UBE3C: variants seen among roughly 807,000 people sequenced by gnomAD.
UBE3C encodes ubiquitin-protein ligase E3C.
UBE3C carries 42 observed loss-of-function variants against 129.4 expected under a neutral mutation model. The observed-to-expected ratio is 0.32, with a 90% CI of 0.25 to 0.42. The LOEUF (loss-of-function observed/expected upper bound fraction) is 0.42, where lower values mean the gene tolerates loss of function less well. UBE3C is among the 10% of genes least tolerant of loss of function. The pLI is 1.00. For synonymous variants in UBE3C, 510 were observed against 492.4 expected, an observed-to-expected ratio of 1.04 and a Z score of -0.47; for missense variants, 1,049 against 1,319.1, an observed-to-expected ratio of 0.80 and a Z score of 3.17.
intron 11 of UBE3C, among the ~76,000 whole-genome samples, chr7:157,203,558 C>T (rs1222195674): frequency 3.3e-5 from 5 of 152,170 alleles, no homozygotes; most frequent in African/African-American, 1.2e-4. Flanking sequence ...GAAACACTGT[C>T]ATAGTTCTGC....
intron 10 of UBE3C, chr7:157,192,961 T>C: frequency 1.7e-6 from 1 of 601,148 alleles, no homozygotes; most frequent in South Asian, 2.0e-5. Flanking sequence ...AGGGAAAGTA[T>C]GTTTTTTGAA....
At chr7:157,173,714 A>G (rs1393224296) in intron 4 of UBE3C, among the ~76,000 whole-genome samples, 1 of 152,334 alleles carries the variant, frequency 6.6e-6, no homozygotes, top group East Asian at 1.9e-4. Flanking sequence ...TATAATGTAT[A>G]GTTATTTTAC....
intron 19 of UBE3C, 63 bp downstream of exon 19, chr7:157,248,643 G>C (rs1216631629): frequency 6.5e-7 from 1 of 1,545,112 alleles, no homozygotes; most frequent in Non-Finnish European, 8.9e-7. Context: ...CCTTGTGTGT[G>C]GAAGTCCATT....
In UBE3C at chr7:157,138,981, A is replaced by G. The variant is rs1165351082; in HGVS notation, c.-292A>G. 6.6e-6 allele frequency: 1 copy of G among 152,588 alleles called. No individual in the cohort carries two copies. Among genetic ancestry groups the G allele is most frequent in the Non-Finnish European group, 1.5e-5 (1 of 68,592 alleles). 9.5% of individuals were successfully genotyped at this position (152,588 alleles called of 1,614,324 possible). ...CTCCCGAGGCGGCAGTTCCAGGTGCAAGCGCCGGGTTTGCTGCCCGCTGGG... is the reference window on the plus strand; with the variant it reads ...CTCCCGAGGCGGCAGTTCCAGGTGCGAGCGCCGGGTTTGCTGCCCGCTGGG... On this transcript the variant is annotated 5_prime_UTR_variant, in exon 1 of 23. Coordinates refer to ENST00000348165, the MANE Select transcript of UBE3C (RefSeq NM_014671.3).
chr7:157,264,406 TACACACACAC>T (rs56147121), intron 22 of UBE3C, among the ~76,000 whole-genome samples: 3 of 107,566 alleles, frequency 2.8e-5, no homozygotes, highest in East Asian at 2.9e-4. Flanking sequence ...CTCGGCCTGT[TACACACACAC>T]ACACACACCT....
intron 18 of UBE3C, among the ~76,000 whole-genome samples, chr7:157,236,110 CAATT>C (rs1157409397): frequency 6.6e-6 from 1 of 152,186 alleles, no homozygotes; most frequent in African/African-American, 2.4e-5. Flanking sequence ...GGTCACTTCT[CAATT>C]AAAAGTTCCA....
chr7:157,260,326 C>T lies in UBE3C; in HGVS notation c.3081+3282C>T, dbSNP rs375862036. ...AGGGCCAGGAAAACGCTGCCGCCTACAAGCAACACACCTAAACGGAGTGAC... is the reference window on the plus strand; with the variant it reads ...AGGGCCAGGAAAACGCTGCCGCCTATAAGCAACACACCTAAACGGAGTGAC... On this transcript the variant is annotated intron_variant, in intron 22 of 22. Transcript: ENST00000348165. Among the ~76,000 whole-genome samples the T allele has an allele frequency of 6.0e-4, 92 of 152,332 alleles. 3 individuals are homozygous for T. The South Asian group carries it at 0.014, about 24-fold the overall frequency.
intron 19 of UBE3C, among the ~76,000 whole-genome samples, chr7:157,251,993 G>A (rs759095744): frequency 7.2e-5 from 11 of 152,194 alleles, no homozygotes; most frequent in South Asian, 2.1e-4. Context: ...AAACTGAGCC[G>A]GGCGTGGTGA....
At chr7:157,226,719 CTT>C (rs142300323) in intron 17 of UBE3C, among the ~76,000 whole-genome samples, 14 of 142,450 alleles carry the variant, frequency 9.8e-5, no homozygotes, top group Non-Finnish European at 1.1e-4. Context: ...CTATTTCAAG[CTT>C]TTTTTTTTTT....
chr7:157,198,062 T>C (rs778086561), intron 10 of UBE3C: 36 of 1,610,094 alleles, frequency 2.2e-5, no homozygotes, highest in Non-Finnish European at 2.9e-5. Context: ...GGGGGATCTC[T>C]CCTCTTTTAA....
At chr7:157,185,273 C>T (rs1029344641) in intron 9 of UBE3C, among the ~76,000 whole-genome samples, 1 of 152,236 alleles carries the variant, frequency 6.6e-6, no homozygotes, top group Non-Finnish European at 1.5e-5. Flanking sequence ...CGGGAAATCA[C>T]CTGCAGGCTC....
At chr7:157,230,713 A>C (rs1476568070) in intron 17 of UBE3C, among the ~76,000 whole-genome samples, 2 of 149,616 alleles carry the variant, frequency 1.3e-5, no homozygotes, top group East Asian at 2.0e-4. Flanking sequence ...AAAAAAAAAA[A>C]ACCTCCTAAT....
chr7:157,223,438 T>A, intron 16 of UBE3C, 87 bp downstream of exon 16: 1 of 1,158,634 alleles, frequency 8.6e-7, no homozygotes, highest in African/African-American at 1.5e-5. Context: ...TCTCTAAAGG[T>A]GCCTAGTGCC....
intron 1 of UBE3C, among the ~76,000 whole-genome samples, chr7:157,151,021 C>T (rs1398732382): frequency 6.6e-6 from 1 of 152,162 alleles, no homozygotes; most frequent in African/African-American, 2.4e-5. Context: ...GCTGGCCTCC[C>T]GCTAAGCTGC....
intron 11 of UBE3C, among the ~76,000 whole-genome samples, chr7:157,204,760 A>G (rs1176668285): frequency 6.6e-6 from 1 of 152,208 alleles, no homozygotes; most frequent in East Asian, 1.9e-4. Flanking sequence ...CATAACATAG[A>G]GATGCTTTGC....
At chr7:157,147,399 ACTT>A (rs1274018554) in intron 1 of UBE3C, among the ~76,000 whole-genome samples, 1 of 152,166 alleles carries the variant, frequency 6.6e-6, no homozygotes, top group African/African-American at 2.4e-5. Context: ...TGCTATAATC[ACTT>A]CTTAGTTCCA....
intron 2 of UBE3C, among the ~76,000 whole-genome samples, chr7:157,166,382 T>G (rs13245163): frequency 0.038 from 5,853 of 152,328 alleles, 149 homozygotes; most frequent in Non-Finnish European, 0.059. Context: ...ACTTATATCC[T>G]GAATTATTTT....
rs1247416624 is a variant in UBE3C, at chr7:157,163,372, G to C, written c.67-438G>C. ...ACTGCACTCCAGCCTGGGCGACAGAGAGAGAGACTCCATCTCAAAAAAAAA... is the reference window on the plus strand; with the variant it reads ...ACTGCACTCCAGCCTGGGCGACAGACAGAGAGACTCCATCTCAAAAAAAAA... On this transcript the variant is annotated intron_variant, in intron 1 of 22. Transcript: ENST00000348165. Among the ~76,000 whole-genome samples, 10 of 138,600 alleles carry C rather than the reference G, an allele frequency of 7.2e-5. No homozygotes were observed. In the East Asian group the frequency reaches 2.1e-3, roughly 30 times the overall value. 90.9% of individuals were successfully genotyped at this position (138,600 alleles called of 152,430 possible). A position where few individuals can be genotyped will look rare whatever the true frequency, so the allele number is the denominator to read the frequency against.
intron 1 of UBE3C, among the ~76,000 whole-genome samples, chr7:157,141,059 G>A (rs1039641475): frequency 6.6e-6 from 1 of 152,290 alleles, no homozygotes; most frequent in Middle Eastern, 3.4e-3. Context: ...GCGGCAGAGG[G>A]GTTGGTGGCT....
Sources: allele counts gnomAD v4.1 joint callset (sites outside exome capture counted in the v4.1 genomes callset), GRCh38; gene constraint gnomAD v4.1.1; transcripts MANE v1.5; gene names NCBI Gene and HGNC (gene_info 2026-07-23, HGNC 2026-07-21).